The following CNIH3 variants were observed in gnomAD, a reference collection of about 807,000 sequenced individuals.
CNIH3 encodes cornichon family AMPA receptor auxiliary protein 3.
CNIH3 carries 14 observed loss-of-function variants against 24.1 expected under a neutral mutation model. The ratio of observed to expected loss-of-function variants is 0.58; its 90% CI spans 0.38 to 0.91. The LOEUF is 0.91. Among genes scored for constraint, CNIH3 ranks in the 40% least tolerant of loss-of-function variants. The probability of loss-of-function intolerance (pLI) is 0.00; values close to 1 mark genes in which losing one functional copy is unlikely to be tolerated. For missense variants in CNIH3, 178 were observed against 196.8 expected, an observed-to-expected ratio of 0.90 and a Z score of 0.57; for synonymous variants, 68 against 73.8, an observed-to-expected ratio of 0.92 and a Z score of 0.40.
chr1:224,558,950 T>C (rs1680254551), intron 3 of CNIH3, among the ~76,000 whole-genome samples: 1 of 152,220 alleles, frequency 6.6e-6, no homozygotes, highest in Admixed American at 6.5e-5. Context: ...TGCATGTCGT[T>C]TTAATTAAGA....
rs1050079326 is a variant in CNIH3, at chr1:224,674,207, C to T, written c.82-6751C>T. On this transcript the variant is annotated intron_variant, in intron 1 of 5. Coordinates refer to ENST00000272133, the MANE Select transcript of CNIH3 (RefSeq NM_152495.2). ...CCTAATGCTAAGCTCTCTGATGGGGCAGCCCTGGGGACTCATTAGCTAATG... is the reference window on the plus strand; with the variant it reads ...CCTAATGCTAAGCTCTCTGATGGGGTAGCCCTGGGGACTCATTAGCTAATG... Among the ~76,000 whole-genome samples, 4 of 143,954 alleles carry T rather than the reference C, an allele frequency of 2.8e-5. No individual in the cohort carries two copies. The East Asian group carries it at 8.5e-4, about 31-fold the overall frequency. 94.4% of individuals were successfully genotyped at this position (143,954 alleles called of 152,430 possible).
intron 3 of CNIH3, among the ~76,000 whole-genome samples, chr1:224,606,801 G>C (rs1682445914): frequency 6.6e-6 from 1 of 152,076 alleles, no homozygotes; most frequent in Non-Finnish European, 1.5e-5. Context: ...GTTACACTGG[G>C]ATGTCTCAGG....
At chr1:224,477,533 C>T (rs1057476985) in intron 1 of CNIH3, among the ~76,000 whole-genome samples, 1 of 152,136 alleles carries the variant, frequency 6.6e-6, no homozygotes, top group Non-Finnish European at 1.5e-5. Flanking sequence ...GAACAAAACC[C>T]CCAAAATTAA....
Position 224,516,992 on chromosome 1 carries a change from G to C in CNIH3, n.15+1116G>C, listed in dbSNP as rs368570495. Among the ~76,000 whole-genome samples the C allele has an allele frequency of 1.1e-4, 16 of 152,248 alleles. No individual in the cohort carries two copies. The South Asian group carries it at 2.7e-3, about 26-fold the overall frequency. On this transcript the variant is annotated intron_variant and non_coding_transcript_variant, in intron 1 of 2. Transcript: ENST00000470602. ...CAGGGAAATTAAGAACTGTTTTTAG[G>C]GGGTAGGGGAAGATTTCACCTGGAT...
intron 1 of CNIH3, among the ~76,000 whole-genome samples, chr1:224,643,247 G>A (rs1572644606): frequency 6.6e-6 from 1 of 152,230 alleles, no homozygotes; most frequent in South Asian, 2.1e-4. Flanking sequence ...TCTGAAGGAG[G>A]TGGTAGTCGA....
At chr1:224,577,643 A>AACAGT (rs1681092529) in intron 4 of CNIH3, among the ~76,000 whole-genome samples, 1 of 152,214 alleles carries the variant, frequency 6.6e-6, no homozygotes, top group Non-Finnish European at 1.5e-5. Flanking sequence ...CACTATGGAA[A>AACAGT]ACAGTATAGA....
chr1:224,473,241 C>T (rs1229105897), intron 1 of CNIH3, among the ~76,000 whole-genome samples: 1 of 151,932 alleles, frequency 6.6e-6, no homozygotes, highest in Non-Finnish European at 1.5e-5. Flanking sequence ...ATCACCTTCA[C>T]TAAAAGGAAG....
At chr1:224,634,805 A>G (rs1684007654) in intron 1 of CNIH3, among the ~76,000 whole-genome samples, 1 of 151,958 alleles carries the variant, frequency 6.6e-6, no homozygotes, top group South Asian at 2.1e-4. Context: ...GAGGTGTTCA[A>G]TTTCACGTCC....
intron 1 of CNIH3, among the ~76,000 whole-genome samples, chr1:224,493,474 G>C (rs566904772): frequency 6.6e-6 from 1 of 152,136 alleles, no homozygotes; most frequent in South Asian, 2.1e-4. Context: ...AACCTACCCC[G>C]AGGGCTCAAG....
At position 224,705,859 on chromosome 1, in the gene CNIH3, CT is replaced by C. The variant is rs869143802; in HGVS notation, c.198+21031del. Among the ~76,000 whole-genome samples the C allele has an allele frequency of 3.7e-4, 33 of 88,858 alleles. 1 individual carries two copies. The highest frequency in any genetic ancestry group is 1.2e-3 in the South Asian group (3 of 2,482). 58.3% of individuals were successfully genotyped at this position (88,858 alleles called of 152,430 possible). ...TTTCTCTCTTTCTTTTCTTTTTTTT[CT>C]TTTTTTTTTTTTTTGAGCTGAACCT... On this transcript the variant is annotated intron_variant, in intron 3 of 5. Coordinates refer to ENST00000272133, the MANE Select transcript of CNIH3 (RefSeq NM_152495.2).
At chr1:224,589,883 CTT>C (rs887320915), downstream of CNIH3, among the ~76,000 whole-genome samples, 1 of 147,726 alleles carries the variant, frequency 6.8e-6, no homozygotes, top group African/African-American at 2.5e-5. Flanking sequence ...AGGATATCCA[CTT>C]TTTTTTTTTG....
intron 1 of CNIH3, among the ~76,000 whole-genome samples, chr1:224,667,871 A>G (rs930769961): frequency 2.0e-5 from 3 of 152,186 alleles, no homozygotes; most frequent in African/African-American, 7.2e-5. Flanking sequence ...TTGAGGTGAC[A>G]TGGTCAAGTC....
chr1:224,638,647 C>T (rs770793703), intron 1 of CNIH3, among the ~76,000 whole-genome samples: 27 of 152,146 alleles, frequency 1.8e-4, no homozygotes, highest in Non-Finnish European at 3.2e-4. Context: ...GGAAGGCTTA[C>T]GTGGGTTCAG....
At chr1:224,569,332 G>A (rs1052912384) in intron 4 of CNIH3, among the ~76,000 whole-genome samples, 4 of 152,140 alleles carry the variant, frequency 2.6e-5, no homozygotes, top group Admixed American at 1.3e-4. Context: ...AGTTTCATCC[G>A]TGTAGTTGTG....
intron 3 of CNIH3, among the ~76,000 whole-genome samples, chr1:224,610,794 G>A (rs555877212): frequency 6.6e-6 from 1 of 152,208 alleles, no homozygotes. Flanking sequence ...GGAACATTCA[G>A]ACTTACTTAC....
At chr1:224,627,450 T>C (rs757565603) in intron 1 of CNIH3, among the ~76,000 whole-genome samples, 3 of 152,192 alleles carry the variant, frequency 2.0e-5, no homozygotes, top group Non-Finnish European at 2.9e-5. Context: ...GGTCTCGAAC[T>C]TCTGACCTTG....
chr1:224,688,022 A>G (rs1363340250), intron 3 of CNIH3, among the ~76,000 whole-genome samples: 3 of 152,104 alleles, frequency 2.0e-5, no homozygotes, highest in African/African-American at 4.8e-5. Context: ...AAATATCTCA[A>G]ATGGGAAACT....
chr1:224,463,799 T>TTTTTTTTTTTTTTTTTG, intron 1 of CNIH3, among the ~76,000 whole-genome samples: 1 of 129,564 alleles, frequency 7.7e-6, no homozygotes, highest in Non-Finnish European at 1.6e-5. Context: ...TTTTTTTTTT[T>TTTTTTTTTTTTTTTTTG]TTTTTTTTTT....
chr1:224,625,489 G>A (rs1015374927), intron 1 of CNIH3, among the ~76,000 whole-genome samples: 1 of 152,256 alleles, frequency 6.6e-6, no homozygotes, highest in Non-Finnish European at 1.5e-5. Flanking sequence ...CCAGGAGACA[G>A]AGCTGGCAGT....
Sources: gnomAD v4.1 joint callset for allele counts (sites outside exome capture counted in the v4.1 genomes callset) on GRCh38, gnomAD v4.1.1 for gene constraint, MANE v1.5 for transcripts, NCBI Gene and HGNC (gene_info 2026-07-23, HGNC 2026-07-21) for gene names.